The following WWOX variants were observed in gnomAD, a reference collection of about 807,000 sequenced individuals.
WWOX encodes the protein WW domain-containing oxidoreductase.
Under a neutral mutation model 46.2 loss-of-function variants are expected in WWOX, and 69 were observed. The ratio of observed to expected loss-of-function variants is 1.49; its 90% CI spans 1.23 to 1.82. WWOX has a LOEUF of 1.82. WWOX is among the 40% of genes most tolerant of loss of function. The probability of loss-of-function intolerance (pLI) is 0.00; values close to 1 mark genes in which losing one functional copy is unlikely to be tolerated. For missense variants in WWOX, 919 were observed against 542.6 expected (o/e 1.69, Z -6.89); for synonymous variants, 359 against 202.6 (o/e 1.77, Z -6.56).
At chr16:78,710,480 A>ATATATATATATATATATATATATATATT (rs1251275415) in intron 8 of WWOX, among the ~76,000 whole-genome samples, 1 of 126,892 alleles carries the variant, frequency 7.9e-6, no homozygotes, top group South Asian at 2.4e-4. Context: ...TCTCATATAT[A>ATATATATATATATATATATATATATATT]TATATATATA....
At chr16:78,841,270 C>T (rs950582349) in intron 8 of WWOX, among the ~76,000 whole-genome samples, 5 of 152,174 alleles carry the variant, frequency 3.3e-5, no homozygotes, top group African/African-American at 1.2e-4. Flanking sequence ...AAACATCATG[C>T]AGCACTGCTC....
chr16:78,600,136 G>C (rs183845129), intron 8 of WWOX, among the ~76,000 whole-genome samples: 17 of 152,126 alleles, frequency 1.1e-4, no homozygotes, highest in Admixed American at 1.0e-3. Context: ...ATCAGATCTC[G>C]TGAGACTTGT....
chr16:79,155,071 T>C (rs1022953413), intron 8 of WWOX, among the ~76,000 whole-genome samples: 16 of 152,212 alleles, frequency 1.1e-4, no homozygotes, highest in Admixed American at 3.3e-4. Flanking sequence ...CAGCAGGCAC[T>C]GGCAAGCTTT....
chr16:78,395,295 G>C (rs569390388), intron 6 of WWOX, among the ~76,000 whole-genome samples: 2 of 152,336 alleles, frequency 1.3e-5, no homozygotes, highest in East Asian at 3.9e-4. Flanking sequence ...AAGGCAGGCA[G>C]GTTGCTTGAG....
intron 8 of WWOX, chr16:78,496,497 TC>T (rs1185491245): frequency 3.3e-5 from 5 of 152,228 alleles, no homozygotes; most frequent in Admixed American, 2.6e-4. Context: ...GTGGCTGTTT[TC>T]AATTAACTTG....
chr16:78,880,974 C>T (rs188426780), intron 8 of WWOX, among the ~76,000 whole-genome samples: 75 of 147,276 alleles, frequency 5.1e-4, no homozygotes, highest in African/African-American at 1.7e-3. Context: ...TCCCCTAAAG[C>T]TTCTGGTAAT....
At chr16:78,328,811 C>G (rs60814858) in intron 5 of WWOX, among the ~76,000 whole-genome samples, 13,888 of 148,426 alleles carry the variant, frequency 0.094, 828 homozygotes, top group Admixed American at 0.15. Flanking sequence ...GGTGGTTGAC[C>G]TTTTGCCGAT....
In WWOX at chr16:79,045,493, A is replaced by G. The variant is rs77746615; in HGVS notation, c.1057-166115A>G. Among the ~76,000 whole-genome samples the G allele has an allele frequency of 1.4e-3, 209 of 152,278 alleles. 6 individuals carry two copies. The East Asian group carries it at 0.034, about 25-fold the overall frequency. ...GCTGACCTCTCCAGAAAGAGAGACT[A>G]TGTTGTTAGTTTCCCTTACTTGGAT... On this transcript the variant is annotated intron_variant, in intron 8 of 8. Coordinates refer to ENST00000566780, the MANE Select transcript of WWOX (RefSeq NM_016373.4).
intron 8 of WWOX, among the ~76,000 whole-genome samples, chr16:78,947,462 G>T (rs1050818899): frequency 2.0e-5 from 3 of 152,140 alleles, no homozygotes; most frequent in South Asian, 2.1e-4. Flanking sequence ...GTGAGGAAAC[G>T]CTCTCTTCTT....
At chr16:78,815,137 C>A (rs1342141046) in intron 8 of WWOX, among the ~76,000 whole-genome samples, 1 of 152,072 alleles carries the variant, frequency 6.6e-6, no homozygotes, top group Non-Finnish European at 1.5e-5. Flanking sequence ...CCAGCCTGGC[C>A]AACATAGTGA....
intron 8 of WWOX, among the ~76,000 whole-genome samples, chr16:78,464,017 A>G (rs773571781): frequency 2.2e-4 from 33 of 152,170 alleles, no homozygotes; most frequent in Non-Finnish European, 4.6e-4. Context: ...AACCTAGGAC[A>G]GGCAAGGCAG....
chr16:78,663,578 C>A (rs2047265213), intron 8 of WWOX, among the ~76,000 whole-genome samples: 1 of 152,084 alleles, frequency 6.6e-6, no homozygotes, highest in East Asian at 1.9e-4. Context: ...CATTCATATA[C>A]AAGTTTTAGG....
At chr16:78,933,128 T>C (rs374779172) in intron 8 of WWOX, among the ~76,000 whole-genome samples, 19 of 152,278 alleles carry the variant, frequency 1.2e-4, no homozygotes, top group African/African-American at 4.6e-4. Context: ...AGGAGACTCT[T>C]TGAACACTTT....
chr16:78,099,673 G>A lies in WWOX; in HGVS notation c.-106G>A. ...GAGGGCGCAGTGCGCAGGCGTGAGCGGTCGGGCCCCGACGCGCGCGGGTCT... is the reference window on the plus strand; with the variant it reads ...GAGGGCGCAGTGCGCAGGCGTGAGCAGTCGGGCCCCGACGCGCGCGGGTCT... On this transcript the variant is annotated 5_prime_UTR_variant, in exon 1 of 9. Transcript: ENST00000566780. 7.2e-7 allele frequency: 1 copy of A among 1,382,100 alleles called. No homozygotes were observed. Among genetic ancestry groups the A allele is most frequent in the Non-Finnish European group, 9.5e-7 (1 of 1,052,736 alleles). The allele number at this position is 1,382,100 out of a possible 1,614,324, so 85.6% of individuals were successfully genotyped here. A position where few individuals can be genotyped will look rare whatever the true frequency, so the allele number is the denominator to read the frequency against.
chr16:78,535,863 T>C (rs1448167838), intron 8 of WWOX, among the ~76,000 whole-genome samples: 2 of 151,972 alleles, frequency 1.3e-5, no homozygotes, highest in Non-Finnish European at 2.9e-5. Context: ...GAGCAAGGGG[T>C]TTAGGCTTTC....
At position 78,753,848 on chromosome 16, in the gene WWOX, ATATATATG is replaced by A. The variant is rs1302751857; in HGVS notation, c.1056+321102_1056+321109del. On this transcript the variant is annotated intron_variant, in intron 8 of 8. Coordinates refer to ENST00000566780, the MANE Select transcript of WWOX (RefSeq NM_016373.4). ...AAAATATATATATATATATATATAT[ATATATATG>A]TATATGTATATGTATATATAAATTT... 2.1e-3 allele frequency among the ~76,000 whole-genome samples: 220 copies of A among 104,496 alleles called. 2 individuals are homozygous for A. Among genetic ancestry groups the A allele is most frequent in the African/African-American group, 3.0e-3 (70 of 23,090 alleles). 68.6% of individuals were successfully genotyped at this position (104,496 alleles called of 152,430 possible). A position where few individuals can be genotyped will look rare whatever the true frequency, so the allele number is the denominator to read the frequency against.
intron 8 of WWOX, among the ~76,000 whole-genome samples, chr16:78,863,927 C>G (rs553818884): frequency 5.3e-5 from 8 of 152,024 alleles, no homozygotes; most frequent in Non-Finnish European, 1.2e-4. Context: ...TGTAGCATGT[C>G]CATCTCTCTT....
chr16:78,108,608 C>G (rs1216638343), intron 2 of WWOX, 121 bp downstream of exon 2: 1 of 1,068,400 alleles, frequency 9.4e-7, no homozygotes, highest in African/African-American at 1.6e-5. Flanking sequence ...GAGAACCAGA[C>G]TCCCACTCTG....
chr16:78,794,485 T>C (rs1000841356), intron 8 of WWOX, among the ~76,000 whole-genome samples: 2 of 151,918 alleles, frequency 1.3e-5, no homozygotes, highest in African/African-American at 4.9e-5. Context: ...CTATGTGTCC[T>C]TAGGCAAAAT....
Sources: allele counts gnomAD v4.1 joint callset (sites outside exome capture counted in the v4.1 genomes callset), GRCh38; gene constraint gnomAD v4.1.1; transcripts MANE v1.5; gene names NCBI Gene and HGNC (gene_info 2026-07-23, HGNC 2026-07-21).